STPG4: variants seen among roughly 807,000 people sequenced by gnomAD.
STPG4 encodes the protein sperm-tail PG-rich repeat containing 4, also known as protein STPG4.
In STPG4, 41 loss-of-function variants were observed where a neutral mutation model predicts 31.5. That is an observed-to-expected ratio of 1.30 (90% CI 1.01 to 1.69). The LOEUF (loss-of-function observed/expected upper bound fraction) is 1.69. STPG4 is among the 40% of genes most tolerant of loss of function. STPG4 has a pLI of 0.00. For synonymous variants in STPG4, 141 were observed against 103.0 expected (o/e 1.37, Z -2.24); for missense variants, 375 against 293.4 (o/e 1.28, Z -2.03).
In STPG4 at chr2:47,132,402, C is replaced by T. The variant is rs373660603; in HGVS notation, c.400-2142G>A. Among the ~76,000 whole-genome samples, 30 of 152,278 alleles carry T rather than the reference C, an allele frequency of 2.0e-4. 1 individual carries two copies. Among genetic ancestry groups the T allele is most frequent in the Admixed American group, 1.2e-3 (18 of 15,300 alleles). On this transcript the variant is annotated intron_variant, in intron 3 of 6. Coordinates refer to ENST00000445927, the MANE Select transcript of STPG4 (RefSeq NM_001163561.2). ...AAAAAGGCATCTACCTCCCAGCACT[C>T]GCTGGCACATGGAAGTTCACTACTA... is the stretch of plus-strand genomic sequence containing the variant.
rs534765276 is a variant in STPG4 at position 47,131,274 on chromosome 2, G to A, written c.400-1014C>T. Among the ~76,000 whole-genome samples the A allele has an allele frequency of 7.9e-5, 12 of 151,978 alleles. No homozygotes were observed. In the South Asian group the frequency reaches 1.5e-3, roughly 18 times the overall value. On this transcript the variant is annotated intron_variant, in intron 3 of 6. Transcript: ENST00000445927. ...CCCAAATAGCTGGGACCACAGATGC[G>A]CACCACCATACCTGGCTAATTTTCT...
chr2:47,095,318 T>A (rs1685648116), intron 5 of STPG4, among the ~76,000 whole-genome samples: 1 of 152,108 alleles, frequency 6.6e-6, no homozygotes, highest in African/African-American at 2.4e-5. Context: ...AAGGGGAAAT[T>A]TGGATACAGA....
At chr2:47,093,016 C>T (rs902344236) in intron 5 of STPG4, among the ~76,000 whole-genome samples, 12 of 152,212 alleles carry the variant, frequency 7.9e-5, no homozygotes, top group African/African-American at 1.2e-4. Flanking sequence ...TGGTCTCGAA[C>T]TCCTGACCTC....
intron 5 of STPG4, among the ~76,000 whole-genome samples, chr2:47,128,237 G>A (rs1405590771): frequency 6.6e-6 from 1 of 152,112 alleles, no homozygotes; most frequent in South Asian, 2.1e-4. Flanking sequence ...AAAGCTGAGG[G>A]ACGGGTGACA....
At position 47,130,217 on chromosome 2, in the gene STPG4, G is replaced by A; in HGVS notation, c.443C>T (p.Pro148Leu). Residue 148 changes from proline (P) to leucine (L), a missense_variant, in exon 4 of 7, where the codon CCA becomes CTA. Coordinates refer to ENST00000445927, the MANE Select transcript of STPG4 (RefSeq NM_001163561.2). ...TTACCTGGAAGCATATTTGGGAACT[G>A]GTGCAGGAAGCACGTTGTATTGCCC... ...SPGQYNVLPA[P>L]VPKYASRSCV... 5 of 1,613,926 alleles carry A rather than the reference G, an allele frequency of 3.1e-6. No individual in the cohort carries two copies. Among genetic ancestry groups the A allele is most frequent in the East Asian group, 2.2e-5 (1 of 44,876 alleles).
intron 3 of STPG4, among the ~76,000 whole-genome samples, chr2:47,150,921 G>T (rs1175298461): frequency 6.6e-6 from 1 of 151,948 alleles, no homozygotes; most frequent in Non-Finnish European, 1.5e-5. Flanking sequence ...AAAAGAAGAG[G>T]GTTCACCACA....
chr2:47,097,953 TA>T (rs35729993), intron 5 of STPG4, among the ~76,000 whole-genome samples: 5,617 of 130,056 alleles, frequency 0.043, 244 homozygotes, highest in African/African-American at 0.12. Flanking sequence ...CCCCATCTCT[TA>T]AAAAAAAAAA....
At chr2:47,099,408 G>A (rs79553593) in intron 5 of STPG4, among the ~76,000 whole-genome samples, 1,988 of 152,360 alleles carry the variant, frequency 0.013, 51 homozygotes, top group African/African-American at 0.044. Flanking sequence ...CCTCAGCACC[G>A]GCAGGAGCAG....
At chr2:47,120,014 A>G (rs1686234741) in intron 5 of STPG4, among the ~76,000 whole-genome samples, 1 of 152,174 alleles carries the variant, frequency 6.6e-6, no homozygotes, top group Non-Finnish European at 1.5e-5. Flanking sequence ...TTGCAGTTGG[A>G]TAAAAAAGAG....
At chr2:47,154,863 C>T in intron 1 of STPG4, among the ~76,000 whole-genome samples, 1 of 152,132 alleles carries the variant, frequency 6.6e-6, no homozygotes, top group East Asian at 1.9e-4. Flanking sequence ...GAAAGAAATC[C>T]AATCACCATA....
chr2:47,116,279 A>T (rs1380914120), intron 5 of STPG4, among the ~76,000 whole-genome samples: 1 of 152,222 alleles, frequency 6.6e-6, no homozygotes, highest in African/African-American at 2.4e-5. Context: ...GATCTAAGGA[A>T]TAGAAGGATA....
intron 3 of STPG4, among the ~76,000 whole-genome samples, chr2:47,140,410 G>T (rs772785339): frequency 2.6e-5 from 4 of 152,130 alleles, no homozygotes; most frequent in African/African-American, 4.8e-5. Flanking sequence ...CTCAAAACAC[G>T]TGAGGCACCC....
intron 5 of STPG4, among the ~76,000 whole-genome samples, chr2:47,124,646 G>A (rs538818908): frequency 6.6e-6 from 1 of 152,262 alleles, no homozygotes; most frequent in Non-Finnish European, 1.5e-5. Flanking sequence ...TTGTGTATAT[G>A]TACCACATTT....
At chr2:47,113,725 A>T (rs1313190995) in intron 5 of STPG4, among the ~76,000 whole-genome samples, 1 of 152,208 alleles carries the variant, frequency 6.6e-6, no homozygotes, top group Non-Finnish European at 1.5e-5. Context: ...CATTTGTGAC[A>T]ATCCTTAAAA....
intron 5 of STPG4, among the ~76,000 whole-genome samples, chr2:47,125,564 T>A (rs909396285): frequency 6.6e-6 from 1 of 152,250 alleles, no homozygotes; most frequent in African/African-American, 2.4e-5. Flanking sequence ...TCCTTTGTTG[T>A]GCAGAAACTT....
At chr2:47,099,042 G>A (rs1160074828) in intron 5 of STPG4, among the ~76,000 whole-genome samples, 2 of 152,208 alleles carry the variant, frequency 1.3e-5, no homozygotes, top group African/African-American at 2.4e-5. Flanking sequence ...CCTTGGTACT[G>A]TTTATTTCTG....
At chr2:47,101,441 C>T (rs985828305) in intron 5 of STPG4, among the ~76,000 whole-genome samples, 1 of 151,766 alleles carries the variant, frequency 6.6e-6, no homozygotes, top group African/African-American at 2.4e-5. Flanking sequence ...CCCATCTATC[C>T]TATCTATCCT....
intron 3 of STPG4, among the ~76,000 whole-genome samples, chr2:47,134,087 T>C (rs2103785605): frequency 6.6e-6 from 1 of 151,894 alleles, no homozygotes; most frequent in Middle Eastern, 3.4e-3. Flanking sequence ...TAGAACAGTT[T>C]TAGGGTCATA....
chr2:47,149,103 A>AAT (rs919433403), intron 3 of STPG4, among the ~76,000 whole-genome samples: 2 of 152,178 alleles, frequency 1.3e-5, no homozygotes, highest in Non-Finnish European at 2.9e-5. Flanking sequence ...TCCCCTTGTG[A>AAT]ATATATATAT....
Sources: allele counts gnomAD v4.1 joint callset (sites outside exome capture counted in the v4.1 genomes callset), GRCh38; gene constraint gnomAD v4.1.1; transcripts MANE v1.5; gene names NCBI Gene and HGNC (gene_info 2026-07-23, HGNC 2026-07-21).